Variants in SLC41A2 observed in about 807,000 individuals in gnomAD.
SLC41A2 encodes the protein SLC41A1-like 1.
In SLC41A2, 32 loss-of-function variants were observed where a neutral mutation model predicts 58.3. The ratio of observed to expected loss-of-function variants is 0.55; its 90% CI spans 0.41 to 0.74. SLC41A2 has a LOEUF of 0.74. SLC41A2 is among the 30% of genes least tolerant of loss of function. The pLI is 0.00. For missense variants in SLC41A2, 514 were observed against 680.6 expected (o/e 0.76, Z 2.72); for synonymous variants, 190 against 235.0 (o/e 0.81, Z 1.75).
At chr12:104,818,345 T>C (rs1020449652) in intron 10 of SLC41A2, among the ~76,000 whole-genome samples, 6 of 152,116 alleles carry the variant, frequency 3.9e-5, no homozygotes, top group African/African-American at 9.7e-5. Context: ...ACTAGAACTT[T>C]TAGAAATAAA....
chr12:104,845,387 G>C (rs1167621823), intron 9 of SLC41A2, among the ~76,000 whole-genome samples: 1 of 152,136 alleles, frequency 6.6e-6, no homozygotes, highest in Non-Finnish European at 1.5e-5. Flanking sequence ...TAAAATTGTG[G>C]TCTTAGTTTT....
rs1494099 is a variant in SLC41A2, at chr12:104,838,911, C to A, written c.1536+5561G>T. ...CACACTATATGTACTATATACTTGA[C>A]AAAATCCTGATATTTACAATTCTCA... On this transcript the variant is annotated intron_variant, in intron 10 of 10. Transcript: ENST00000258538. Among the ~76,000 whole-genome samples the A allele has an allele frequency of 5.3e-5, 8 of 152,050 alleles. No homozygotes were observed. The South Asian group carries it at 1.7e-3, about 32-fold the overall frequency.
chr12:104,835,578 T>C (rs1052536060), intron 10 of SLC41A2, among the ~76,000 whole-genome samples: 2 of 152,136 alleles, frequency 1.3e-5, no homozygotes, highest in Non-Finnish European at 2.9e-5. Flanking sequence ...CCTCCCCACA[T>C]AGAAAAACCT....
chr12:104,905,536 G>A (rs983348794), intron 3 of SLC41A2, among the ~76,000 whole-genome samples: 7 of 152,244 alleles, frequency 4.6e-5, no homozygotes, highest in East Asian at 1.9e-4. Context: ...TTGGATGGTC[G>A]ATGGGACTGG....
chr12:104,811,278 T>G (rs949502271), intron 10 of SLC41A2, among the ~76,000 whole-genome samples: 1 of 152,202 alleles, frequency 6.6e-6, no homozygotes, highest in South Asian at 2.1e-4. Flanking sequence ...TTGTATCTAT[T>G]GACACAGAAT....
chr12:104,907,181 C>T (rs1167810844), intron 3 of SLC41A2, among the ~76,000 whole-genome samples: 2 of 147,630 alleles, frequency 1.4e-5, no homozygotes, highest in South Asian at 2.1e-4. Flanking sequence ...GTATGTCACT[C>T]GTTATCCTTT....
At chr12:104,940,270 C>A (rs2047452610) in intron 1 of SLC41A2, among the ~76,000 whole-genome samples, 1 of 151,658 alleles carries the variant, frequency 6.6e-6, no homozygotes. Flanking sequence ...CCTCAGCTTC[C>A]CAAAGTGCTA....
rs568840400 is a variant in SLC41A2 at position 104,843,497 on chromosome 12, C to G, written c.1536+975G>C. Reference sequence around the variant, plus strand: ...ACCAGCCCTAATCAACCTTCTTAACCTTATCTTGTCTGTTAGATCCTATAT... The same window carrying G: ...ACCAGCCCTAATCAACCTTCTTAACGTTATCTTGTCTGTTAGATCCTATAT... On this transcript the variant is annotated intron_variant, in intron 10 of 10. Transcript: ENST00000258538. Among the ~76,000 whole-genome samples the G allele has an allele frequency of 3.3e-5, 5 of 152,054 alleles. No homozygotes were observed. The East Asian group carries it at 9.7e-4, about 29-fold the overall frequency.
intron 2 of SLC41A2, among the ~76,000 whole-genome samples, chr12:104,912,982 C>T (rs1434962584): frequency 6.6e-6 from 1 of 152,146 alleles, no homozygotes. Flanking sequence ...GCATCACATG[C>T]CATCATGCTT....
chr12:104,911,243 T>C lies in SLC41A2; in HGVS notation c.556-1481A>G, dbSNP rs1240359609. On this transcript the variant is annotated intron_variant, in intron 2 of 10. Transcript: ENST00000258538. ...CCTGTAACTTCTGTCCCCCAAAAAA[T>C]GTACAAAATCAAGCTATAACCCAAC... 5.3e-5 allele frequency among the ~76,000 whole-genome samples: 8 copies of C among 152,272 alleles called. 1 individual carries two copies. Among genetic ancestry groups the C allele is most frequent in the Admixed American group, 4.6e-4 (7 of 15,286 alleles).
intron 1 of SLC41A2, among the ~76,000 whole-genome samples, chr12:104,957,265 G>A (rs1331848109): frequency 6.6e-6 from 1 of 152,150 alleles, no homozygotes; most frequent in Non-Finnish European, 1.5e-5. Flanking sequence ...GTCTTTCGAC[G>A]CCAGACACAA....
intron 3 of SLC41A2, among the ~76,000 whole-genome samples, chr12:104,905,618 G>T (rs963397349): frequency 3.9e-5 from 6 of 152,242 alleles, no homozygotes; most frequent in African/African-American, 1.4e-4. Context: ...GTGGGTGGGA[G>T]GCTCAGGCAT....
At chr12:104,843,488 C>G (rs532874769) in intron 10 of SLC41A2, among the ~76,000 whole-genome samples, 1 of 152,072 alleles carries the variant, frequency 6.6e-6, no homozygotes, top group Non-Finnish European at 1.5e-5. Flanking sequence ...CCTAATCAAC[C>G]TTCTTAACCT....
intron 10 of SLC41A2, among the ~76,000 whole-genome samples, chr12:104,813,656 G>A (rs2041270671): frequency 6.6e-6 from 1 of 152,114 alleles, no homozygotes; most frequent in African/African-American, 2.4e-5. Flanking sequence ...TTTTGTTTGA[G>A]ATAGAGTCTC....
chr12:104,958,696 A>T (rs1411982577), upstream of SLC41A2: 1 of 152,352 alleles, frequency 6.6e-6, no homozygotes, highest in East Asian at 1.9e-4. Context: ...TTTCTTGCAG[A>T]CTGGAGTTAA....
intron 9 of SLC41A2, among the ~76,000 whole-genome samples, chr12:104,845,064 G>T (rs1196375430): frequency 6.6e-6 from 1 of 152,038 alleles, no homozygotes; most frequent in Non-Finnish European, 1.5e-5. Flanking sequence ...TGGGAGGACT[G>T]CTTGAGGCCA....
intron 2 of SLC41A2, among the ~76,000 whole-genome samples, chr12:104,915,224 A>C (rs2046260520): frequency 6.6e-6 from 1 of 152,242 alleles, no homozygotes; most frequent in African/African-American, 2.4e-5. Flanking sequence ...TAGACTCCTA[A>C]CTTTAAAATG....
chr12:104,902,404 G>C (rs2045609012), intron 3 of SLC41A2, among the ~76,000 whole-genome samples: 1 of 152,136 alleles, frequency 6.6e-6, no homozygotes, highest in South Asian at 2.1e-4. Context: ...TTAATAAACT[G>C]ATAGGAAATA....
intron 10 of SLC41A2, among the ~76,000 whole-genome samples, chr12:104,805,604 T>C (rs188463602): frequency 3.2e-4 from 48 of 152,350 alleles, no homozygotes; most frequent in African/African-American, 1.1e-3. Context: ...ATAATTTGGA[T>C]ATTTTAATAG....
Sources: allele counts gnomAD v4.1 joint callset (sites outside exome capture counted in the v4.1 genomes callset), GRCh38; gene constraint gnomAD v4.1.1; transcripts MANE v1.5; gene names NCBI Gene and HGNC (gene_info 2026-07-23, HGNC 2026-07-21).